The following FSTL4 variants were observed in gnomAD, a reference collection of about 807,000 sequenced individuals.
The protein encoded by FSTL4 is follistatin-related protein 4.
In FSTL4, 28 loss-of-function variants were observed where a neutral mutation model predicts 78.2. That is an observed-to-expected ratio of 0.36 (90% CI 0.27 to 0.49). The LOEUF (loss-of-function observed/expected upper bound fraction) is 0.49. Among genes scored for constraint, FSTL4 ranks in the 20% least tolerant of loss-of-function variants. The probability of loss-of-function intolerance (pLI) is 0.98; values close to 1 mark genes in which losing one functional copy is unlikely to be tolerated. For synonymous variants in FSTL4, 422 were observed against 440.5 expected, an observed-to-expected ratio of 0.96 and a Z score of 0.53; for missense variants, 922 against 1,084.9, an observed-to-expected ratio of 0.85 and a Z score of 2.11.
the FSTL4 span, among the ~76,000 whole-genome samples, chr5:133,676,023 T>A: frequency 6.6e-6 from 1 of 152,118 alleles, no homozygotes; most frequent in Non-Finnish European, 1.5e-5. Context: ...CTAGACTCCA[T>A]GACCAGGTGC....
At chr5:133,756,795 A>T in the FSTL4 span, among the ~76,000 whole-genome samples, 1 of 152,012 alleles carries the variant, frequency 6.6e-6, no homozygotes, top group African/African-American at 2.4e-5. Flanking sequence ...TTTCTAACAG[A>T]TCTTTCACCA....
chr5:133,735,699 C>T, the FSTL4 span, among the ~76,000 whole-genome samples: 30 of 152,176 alleles, frequency 2.0e-4, no homozygotes, highest in African/African-American at 7.2e-4. Context: ...TCTATTTTCT[C>T]ACAAGCAATG....
the FSTL4 span, among the ~76,000 whole-genome samples, chr5:133,721,972 T>G: frequency 6.6e-6 from 1 of 152,282 alleles, no homozygotes; most frequent in South Asian, 2.1e-4. Context: ...TGTTTTTCAT[T>G]CTTTTTTCTT....
At chr5:133,686,466 C>A in the FSTL4 span, among the ~76,000 whole-genome samples, 19 of 152,232 alleles carry the variant, frequency 1.2e-4, no homozygotes, top group Non-Finnish European at 2.1e-4. Flanking sequence ...ATCAGTCAGG[C>A]CCATCCTTTG....
the FSTL4 span, among the ~76,000 whole-genome samples, chr5:133,840,784 G>A: frequency 1.3e-5 from 2 of 152,258 alleles, no homozygotes; most frequent in African/African-American, 4.8e-5. Flanking sequence ...AAGTATAAGA[G>A]GAGATAAATC....
the FSTL4 span, among the ~76,000 whole-genome samples, chr5:133,660,625 G>C: frequency 2.6e-5 from 4 of 152,152 alleles, no homozygotes; most frequent in African/African-American, 9.7e-5. Context: ...GGATTCATAA[G>C]GTGCCCACCC....
intron 7 of FSTL4, among the ~76,000 whole-genome samples, chr5:133,234,247 G>T (rs1751589957): frequency 6.6e-6 from 1 of 152,144 alleles, no homozygotes; most frequent in African/African-American, 2.4e-5. Flanking sequence ...GGAAAATGGG[G>T]CAAACAAAAA....
chr5:133,301,698 T>C (rs1753545296), intron 6 of FSTL4, among the ~76,000 whole-genome samples: 1 of 152,196 alleles, frequency 6.6e-6, no homozygotes. Flanking sequence ...GCCCATGCCA[T>C]CTGGAGAAGA....
chr5:133,322,242 C>T (rs1754080283), intron 4 of FSTL4, among the ~76,000 whole-genome samples: 1 of 114,170 alleles, frequency 8.8e-6, no homozygotes, highest in Admixed American at 8.0e-5. Context: ...CACACACACC[C>T]CCACACCCAC....
chr5:133,705,391 T>C, the FSTL4 span, among the ~76,000 whole-genome samples: 1 of 152,148 alleles, frequency 6.6e-6, no homozygotes, highest in East Asian at 1.9e-4. Context: ...ATTCTAGCCA[T>C]AGTCAGGGAA....
the FSTL4 span, among the ~76,000 whole-genome samples, chr5:133,761,277 T>TA: frequency 6.6e-6 from 1 of 152,296 alleles, no homozygotes; most frequent in East Asian, 1.9e-4. Context: ...TAAAGAAGCC[T>TA]ACATTGAAAT....
the FSTL4 span, among the ~76,000 whole-genome samples, chr5:133,754,047 G>A: frequency 3.9e-5 from 6 of 152,124 alleles, no homozygotes; most frequent in African/African-American, 7.2e-5. Context: ...TGTACCATTC[G>A]TGCCCTGAGG....
At chr5:133,825,336 G>T in the FSTL4 span, among the ~76,000 whole-genome samples, 1 of 152,194 alleles carries the variant, frequency 6.6e-6, no homozygotes, top group African/African-American at 2.4e-5. Flanking sequence ...CCAAACTTTG[G>T]TCTGGAATCT....
chr5:133,705,160 A>T, the FSTL4 span, among the ~76,000 whole-genome samples: 2 of 152,154 alleles, frequency 1.3e-5, no homozygotes, highest in South Asian at 4.1e-4. Flanking sequence ...TCCCAGGTTC[A>T]ATAAATTCTC....
chr5:133,695,269 G>T, the FSTL4 span, among the ~76,000 whole-genome samples: 2 of 152,228 alleles, frequency 1.3e-5, no homozygotes, highest in South Asian at 2.1e-4. Context: ...CCTCATGGTT[G>T]CAAACAGTTA....
chr5:133,432,937 TG>T, intron 3 of FSTL4, among the ~76,000 whole-genome samples: 1 of 152,246 alleles, frequency 6.6e-6, no homozygotes, highest in East Asian at 1.9e-4. Context: ...TTGCTATGTG[TG>T]GCATGGCCCA....
the FSTL4 span, among the ~76,000 whole-genome samples, chr5:133,725,228 T>C: frequency 6.6e-6 from 1 of 152,228 alleles, no homozygotes; most frequent in Non-Finnish European, 1.5e-5. Context: ...ATAAAAAATT[T>C]AGAATACCAT....
At chr5:133,249,661 G>C in intron 6 of FSTL4, 85 bp from the exon 7 acceptor site, 1 of 1,060,446 alleles carries the variant, frequency 9.4e-7, no homozygotes, top group Non-Finnish European at 1.4e-6. Context: ...TGAATTTCCT[G>C]GGTGGAAGAG....
At chr5:133,565,715 A>T (rs1013936546) in intron 3 of FSTL4, among the ~76,000 whole-genome samples, 1 of 152,212 alleles carries the variant, frequency 6.6e-6, no homozygotes, top group African/African-American at 2.4e-5. Context: ...GACCTTTTTC[A>T]TGCATTTGAA....
Sources: gnomAD v4.1 joint callset for allele counts (sites outside exome capture counted in the v4.1 genomes callset) on GRCh38, gnomAD v4.1.1 for gene constraint, MANE v1.5 for transcripts, NCBI Gene and HGNC (gene_info 2026-07-23, HGNC 2026-07-21) for gene names.